Variants in TWSG1 observed in about 807,000 individuals in gnomAD.
The protein encoded by TWSG1 is twisted gastrulation protein homolog 1.
Under a neutral mutation model 23.0 loss-of-function variants are expected in TWSG1, and 15 were observed. The ratio of observed to expected loss-of-function variants is 0.65; its 90% CI spans 0.44 to 1.00. The LOEUF (loss-of-function observed/expected upper bound fraction) is 1.00, where lower values mean the gene tolerates loss of function less well. TWSG1 is among the 50% of genes least tolerant of loss of function. The pLI is 0.00. For synonymous variants in TWSG1, 86 were observed against 92.8 expected (o/e 0.93, Z 0.42); for missense variants, 242 against 278.7 (o/e 0.87, Z 0.94).
intron 2 of TWSG1, among the ~76,000 whole-genome samples, chr18:9,347,301 G>A (rs2040481735): frequency 6.6e-6 from 1 of 152,034 alleles, no homozygotes; most frequent in Non-Finnish European, 1.5e-5. Context: ...AGTATTTTTT[G>A]CAGAGCAGAA....
intron 3 of TWSG1, among the ~76,000 whole-genome samples, chr18:9,380,817 TA>T (rs2040652601): frequency 6.6e-6 from 1 of 152,234 alleles, no homozygotes; most frequent in Admixed American, 6.5e-5. Context: ...GTGAGATTTT[TA>T]TGTTTATCAA....
chr18:9,344,517 G>GTGTGTGTGTGTGTGTA (rs1555650744), intron 2 of TWSG1, among the ~76,000 whole-genome samples: 2,998 of 105,594 alleles, frequency 0.028, 74 homozygotes, highest in African/African-American at 0.059. Flanking sequence ...GTGTGTGTGT[G>GTGTGTGTGTGTGTGTA]TGTGTATGTA....
At chr18:9,392,694 TTTC>T (rs375618244) in intron 3 of TWSG1, among the ~76,000 whole-genome samples, 13 of 152,264 alleles carry the variant, frequency 8.5e-5, no homozygotes, top group African/African-American at 2.7e-4. Context: ...TTCACTAAGC[TTTC>T]TTCTTCTTTT....
chr18:9,339,853 A>G (rs76139913), intron 2 of TWSG1, among the ~76,000 whole-genome samples: 3 of 152,224 alleles, frequency 2.0e-5, no homozygotes, highest in East Asian at 1.9e-4. Context: ...AAAGAGTACT[A>G]TATCAGTGTA....
chr18:9,338,052 T>G (rs1464807182), intron 2 of TWSG1, among the ~76,000 whole-genome samples: 3 of 152,260 alleles, frequency 2.0e-5, no homozygotes, highest in Admixed American at 2.0e-4. Flanking sequence ...ATTGAACTCC[T>G]GATTAGCTTC....
In TWSG1 at chr18:9,383,080, G is replaced by A. The variant is rs910050007; in HGVS notation, c.224-13200G>A. ...TAGAGAATGATGAGTGAGAGAGGTAGGTCAGGACCAGGTGTTGGAGACCAT... is the reference window on the plus strand; with the variant it reads ...TAGAGAATGATGAGTGAGAGAGGTAAGTCAGGACCAGGTGTTGGAGACCAT... On this transcript the variant is annotated intron_variant, in intron 3 of 4. Transcript: ENST00000262120. Among the ~76,000 whole-genome samples, 4 of 151,940 alleles carry A rather than the reference G, an allele frequency of 2.6e-5. No individual in the cohort carries two copies. In the South Asian group the frequency reaches 8.3e-4, roughly 31 times the overall value.
chr18:9,368,255 G>A (rs948670174), intron 3 of TWSG1, among the ~76,000 whole-genome samples: 1 of 152,132 alleles, frequency 6.6e-6, no homozygotes, highest in Non-Finnish European at 1.5e-5. Flanking sequence ...AGGCTGGAGT[G>A]CAGTGGCATG....
At chr18:9,335,738 G>T (rs890871994) in intron 1 of TWSG1, among the ~76,000 whole-genome samples, 4 of 152,078 alleles carry the variant, frequency 2.6e-5, no homozygotes, top group Admixed American at 2.0e-4. Flanking sequence ...GATCACCAGG[G>T]TTTTCTCTTT....
At chr18:9,384,412 T>G (rs1264466101) in intron 3 of TWSG1, among the ~76,000 whole-genome samples, 2 of 152,210 alleles carry the variant, frequency 1.3e-5, no homozygotes, top group African/African-American at 4.8e-5. Context: ...TAGATTGATA[T>G]GCAGGTAATG....
chr18:9,382,636 G>C (rs1183149034), intron 3 of TWSG1, among the ~76,000 whole-genome samples: 1 of 151,814 alleles, frequency 6.6e-6, no homozygotes, highest in Non-Finnish European at 1.5e-5. Flanking sequence ...GTGAAAACCT[G>C]TCTCTACTAA....
At chr18:9,335,076 G>A (rs1268044547) in intron 1 of TWSG1, among the ~76,000 whole-genome samples, 156 bp downstream of exon 1, 3 of 151,956 alleles carry the variant, frequency 2.0e-5, no homozygotes, top group African/African-American at 4.8e-5. Context: ...ACAAAGTGGG[G>A]GTGCTGGGCG....
chr18:9,348,832 A>G (rs2040488804), intron 2 of TWSG1, among the ~76,000 whole-genome samples: 1 of 152,250 alleles, frequency 6.6e-6, no homozygotes, highest in Non-Finnish European at 1.5e-5. Flanking sequence ...GAACATTTGT[A>G]ATGTTGAACT....
chr18:9,386,637 C>T (rs1045530758), intron 3 of TWSG1, among the ~76,000 whole-genome samples: 2 of 150,876 alleles, frequency 1.3e-5, no homozygotes, highest in Non-Finnish European at 3.0e-5. Flanking sequence ...AGAAAAATTA[C>T]CAAAGCTGAG....
At chr18:9,351,622 G>GTTTTTTTTTTTTTTTTGTTTTTTTTTT (rs2040502259) in intron 2 of TWSG1, among the ~76,000 whole-genome samples, 1 of 116,608 alleles carries the variant, frequency 8.6e-6, no homozygotes. Flanking sequence ...ACCATGCTGG[G>GTTTTTTTTTTTTTTTTGTTTTTTTTTT]TTTTTTTTTT....
intron 3 of TWSG1, among the ~76,000 whole-genome samples, chr18:9,386,186 G>A (rs2040683188): frequency 6.8e-6 from 1 of 146,628 alleles, no homozygotes; most frequent in South Asian, 2.2e-4. Context: ...GAAGCCGAGT[G>A]TGGTGGCTCA....
intron 3 of TWSG1, among the ~76,000 whole-genome samples, chr18:9,375,868 A>G (rs1262032250): frequency 1.3e-5 from 2 of 152,216 alleles, no homozygotes; most frequent in Non-Finnish European, 2.9e-5. Flanking sequence ...GTTCATGGAT[A>G]GGAAGATTCC....
intron 2 of TWSG1, among the ~76,000 whole-genome samples, chr18:9,350,088 C>T (rs540766406): frequency 2.7e-4 from 41 of 151,838 alleles, no homozygotes; most frequent in Non-Finnish European, 4.6e-4. Context: ...TGCAGTGAGC[C>T]GAGATCGTGC....
At chr18:9,397,717 CAG>C (rs2040743278) in intron 4 of TWSG1, among the ~76,000 whole-genome samples, 1 of 152,078 alleles carries the variant, frequency 6.6e-6, no homozygotes, top group Non-Finnish European at 1.5e-5. Flanking sequence ...CTATATAAAA[CAG>C]TGCGGGCTGG....
At chr18:9,358,246 G>T (rs1200458115) in intron 2 of TWSG1, among the ~76,000 whole-genome samples, 4 of 151,890 alleles carry the variant, frequency 2.6e-5, no homozygotes, top group African/African-American at 9.7e-5. Flanking sequence ...GGAATGGGGG[G>T]GCCACAGGAT....
Sources: gnomAD v4.1 joint callset for allele counts (sites outside exome capture counted in the v4.1 genomes callset) on GRCh38, gnomAD v4.1.1 for gene constraint, MANE v1.5 for transcripts, NCBI Gene and HGNC (gene_info 2026-07-23, HGNC 2026-07-21) for gene names.